The following LARGE1 variants were observed in gnomAD, a reference collection of about 807,000 sequenced individuals.
LARGE1 encodes the protein xylosyl- and glucuronyltransferase LARGE1.
Under a neutral mutation model 87.6 loss-of-function variants are expected in LARGE1, and 43 were observed. The observed-to-expected ratio is 0.49, with a 90% CI of 0.38 to 0.63. The LOEUF (loss-of-function observed/expected upper bound fraction) is 0.63, where lower values mean the gene tolerates loss of function less well. Ranked by LOEUF, LARGE1 falls within the 30% of genes least tolerant of loss-of-function variation. The pLI is 0.00. For missense variants in LARGE1, 802 were observed against 1,000.2 expected, an observed-to-expected ratio of 0.80 and a Z score of 2.67; for synonymous variants, 434 against 394.6, an observed-to-expected ratio of 1.10 and a Z score of -1.18.
intron 11 of LARGE1, among the ~76,000 whole-genome samples, chr22:33,315,467 A>G (rs1392943460): frequency 2.0e-5 from 3 of 152,148 alleles, no homozygotes; most frequent in African/African-American, 7.2e-5. Flanking sequence ...TTGTAGCTCC[A>G]GTCTCCCCAC....
At chr22:33,119,664 T>A in the LARGE1 span, among the ~76,000 whole-genome samples, 1 of 152,212 alleles carries the variant, frequency 6.6e-6, no homozygotes, top group African/African-American at 2.4e-5. Flanking sequence ...AAATATTTCA[T>A]TATTTTCAAC....
chr22:33,312,532 G>A (rs1440462496), intron 11 of LARGE1, among the ~76,000 whole-genome samples: 1 of 151,698 alleles, frequency 6.6e-6, no homozygotes, highest in Non-Finnish European at 1.5e-5. Flanking sequence ...CAGGGACCAA[G>A]TGTCATTCAC....
At chr22:33,797,065 G>A (rs2086010000) in intron 1 of LARGE1, among the ~76,000 whole-genome samples, 1 of 152,094 alleles carries the variant, frequency 6.6e-6, no homozygotes, top group African/African-American at 2.4e-5. Flanking sequence ...TGCCTGGCCA[G>A]ACTTGGGCTC....
intron 5 of LARGE1, among the ~76,000 whole-genome samples, chr22:33,569,326 G>A (rs1047474492): frequency 2.6e-5 from 4 of 152,164 alleles, no homozygotes; most frequent in Non-Finnish European, 2.9e-5. Context: ...CTGACTCTCC[G>A]TTTTATTTTT....
chr22:33,337,770 C>T lies in LARGE1; in HGVS notation c.1163G>A (p.Arg388Gln), dbSNP rs1938645441. ...AAACTCCACATGCTTGTTCTTCACC[C>T]GGAGCTTCTTGGGGGAGTTCCAGTG... ...VIHWNSPKKL[R>Q]VKNKHVEFFR... Residue 388 changes from arginine (R) to glutamine (Q), a missense_variant, in exon 10 of 15, where the codon CGG becomes CAG. Transcript: ENST00000397394. The T allele has an allele frequency of 1.2e-6, 2 of 1,614,164 alleles. No individual in the cohort carries two copies. The highest frequency in any genetic ancestry group is 1.7e-6 in the Non-Finnish European group (2 of 1,180,014).
chr22:33,816,689 T>TAGATAGAC (rs1230056474), intron 1 of LARGE1, among the ~76,000 whole-genome samples: 1,383 of 132,428 alleles, frequency 0.01, 23 homozygotes, highest in African/African-American at 0.034. Flanking sequence ...GATAGATAGA[T>TAGATAGAC]AGACAGACAG....
intron 2 of LARGE1, among the ~76,000 whole-genome samples, chr22:33,707,970 C>A (rs1393206837): frequency 4.6e-5 from 7 of 152,124 alleles, no homozygotes; most frequent in Admixed American, 2.0e-4. Context: ...CATCTGTGCA[C>A]ACACACAGGA....
chr22:33,321,083 C>T (rs2146355955), intron 10 of LARGE1: 1 of 152,330 alleles, frequency 6.6e-6, no homozygotes, highest in Admixed American at 6.5e-5. Context: ...TCAGGGTCCT[C>T]AGCTGTAAAA....
intron 1 of LARGE1, among the ~76,000 whole-genome samples, chr22:33,782,604 T>C (rs1334731453): frequency 2.0e-5 from 3 of 152,086 alleles, no homozygotes; most frequent in African/African-American, 4.8e-5. Context: ...CGGTGGCTCA[T>C]GCATGCAATC....
intron 2 of LARGE1, among the ~76,000 whole-genome samples, chr22:33,710,368 C>T (rs931840726): frequency 2.6e-5 from 4 of 152,128 alleles, no homozygotes; most frequent in African/African-American, 7.2e-5. Context: ...GAAGAATTGG[C>T]CCCAGAAAAT....
intron 5 of LARGE1, among the ~76,000 whole-genome samples, chr22:33,586,838 C>T (rs566444283): frequency 3.5e-4 from 54 of 152,264 alleles, no homozygotes; most frequent in Non-Finnish European, 5.4e-4. Flanking sequence ...CTGCTCCTTT[C>T]ACAGTCGAGA....
intron 1 of LARGE1, among the ~76,000 whole-genome samples, chr22:33,896,869 AG>A (rs1279428458): frequency 1.3e-5 from 2 of 152,208 alleles, no homozygotes; most frequent in Non-Finnish European, 2.9e-5. Flanking sequence ...GCTGTGCTAC[AG>A]GGGCCAAGTG....
chr22:33,497,985 C>T lies in LARGE1; in HGVS notation c.788-65720G>A, dbSNP rs186279800. Among the ~76,000 whole-genome samples, 67 of 152,246 alleles carry T rather than the reference C, an allele frequency of 4.4e-4. 1 individual carries two copies. In the East Asian group the frequency reaches 0.011, roughly 25 times the overall value. On this transcript the variant is annotated intron_variant, in intron 6 of 14. Coordinates refer to ENST00000397394, the MANE Select transcript of LARGE1 (RefSeq NM_133642.5). ...GCAACCTCCGCCTCCTACGTTCAAG[C>T]GATTCTCGTGCCTCAGCCTCCCGAG...
intron 11 of LARGE1, among the ~76,000 whole-genome samples, chr22:33,305,358 T>TA (rs60727771): frequency 0.1 from 9,891 of 98,550 alleles, 812 homozygotes; most frequent in African/African-American, 0.23. Context: ...GGGAAAAAAT[T>TA]AAAAAAAAAA....
At chr22:33,282,173 C>T (rs1161538940) in intron 13 of LARGE1, among the ~76,000 whole-genome samples, 4 of 152,074 alleles carry the variant, frequency 2.6e-5, no homozygotes, top group African/African-American at 4.8e-5. Context: ...GGAGAAACCC[C>T]GTCTCTACTA....
intron 2 of LARGE1, among the ~76,000 whole-genome samples, chr22:33,670,478 G>A (rs1365415228): frequency 6.6e-6 from 1 of 151,818 alleles, no homozygotes; most frequent in Non-Finnish European, 1.5e-5. Flanking sequence ...TAGAACCATG[G>A]TTCCCAAACT....
rs1386865087 is a variant in LARGE1 at position 33,608,317 on chromosome 22, T to C, written c.492-3759A>G. Among the ~76,000 whole-genome samples the C allele has an allele frequency of 2.6e-5, 4 of 152,192 alleles. No homozygotes were observed. The East Asian group carries it at 7.7e-4, about 29-fold the overall frequency. On this transcript the variant is annotated intron_variant, in intron 4 of 14. Transcript: ENST00000397394. ...ACTTTCCATATTTCTGTATCTTTGC[T>C]TGTGCTGTTCCCTCTCCATGGAATG...
At chr22:33,466,693 T>TACACACACACACAC (rs536654371) in intron 6 of LARGE1, among the ~76,000 whole-genome samples, 4,766 of 145,196 alleles carry the variant, frequency 0.033, 139 homozygotes, top group East Asian at 0.098. Context: ...TCTCTCTCTC[T>TACACACACACACAC]ACACACACAC....
intron 1 of LARGE1, among the ~76,000 whole-genome samples, chr22:33,818,559 T>C (rs558316957): frequency 6.6e-6 from 1 of 151,492 alleles, no homozygotes; most frequent in South Asian, 2.1e-4. Flanking sequence ...AAAAGGGAGG[T>C]TCCCAATCAG....
Sources: allele counts gnomAD v4.1 joint callset (sites outside exome capture counted in the v4.1 genomes callset), GRCh38; gene constraint gnomAD v4.1.1; transcripts MANE v1.5; gene names NCBI Gene and HGNC (gene_info 2026-07-23, HGNC 2026-07-21).